PHF11: variants seen among roughly 807,000 people sequenced by gnomAD.
PHF11 encodes the protein BRCA1 C-terminus-associated protein.
Under a neutral mutation model 40.5 loss-of-function variants are expected in PHF11, and 38 were observed. That is an observed-to-expected ratio of 0.94 (90% confidence interval 0.72 to 1.23). The LOEUF (loss-of-function observed/expected upper bound fraction) is 1.23. PHF11 is among the 50% of genes most tolerant of loss of function. The pLI is 0.00. For synonymous variants in PHF11, 127 were observed against 138.2 expected, an observed-to-expected ratio of 0.92 and a Z score of 0.57; for missense variants, 369 against 392.4, an observed-to-expected ratio of 0.94 and a Z score of 0.50.
chr13:49,528,448 G>C, intron 9 of PHF11, 63 bp from the exon 10 acceptor site: 1 of 1,164,050 alleles, frequency 8.6e-7, no homozygotes, highest in Non-Finnish European at 1.2e-6. Flanking sequence ...GGCTAGAAAT[G>C]GTACATTATT....
chr13:49,496,830 C>CTTTTTT (rs34505707), intron 1 of PHF11, among the ~76,000 whole-genome samples: 3,824 of 87,914 alleles, frequency 0.043, 178 homozygotes, highest in Non-Finnish European at 0.052. Flanking sequence ...TGGGCTTACC[C>CTTTTTT]TTTTTTTTTT....
intron 3 of PHF11, among the ~76,000 whole-genome samples, chr13:49,515,500 ACAC>A (rs1364310714): frequency 8.8e-6 from 1 of 113,472 alleles, no homozygotes; most frequent in Non-Finnish European, 1.8e-5. Context: ...ACACACACAC[ACAC>A]ATTCTCCATC....
intron 3 of PHF11, among the ~76,000 whole-genome samples, chr13:49,517,735 A>T (rs1959168267): frequency 6.6e-6 from 1 of 152,210 alleles, no homozygotes; most frequent in Admixed American, 6.5e-5. Context: ...TAAAAGACAG[A>T]GACTGTTTTT....
chr13:49,503,244 C>T (rs1958934400), intron 1 of PHF11, among the ~76,000 whole-genome samples: 1 of 152,154 alleles, frequency 6.6e-6, no homozygotes, highest in South Asian at 2.1e-4. Flanking sequence ...CCAACCCACC[C>T]CACCTTTCCC....
At position 49,518,114 on chromosome 13, in the gene PHF11, G is replaced by T. The variant is rs765683187; in HGVS notation, c.421G>T (p.Ala141Ser). 6.2e-7 allele frequency: 1 copy of T among 1,607,844 alleles called. No homozygotes were observed. Among genetic ancestry groups the T allele is most frequent in the Non-Finnish European group, 8.5e-7 (1 of 1,175,284 alleles). The change falls in exon 4 of 10, where the codon GCA (alanine) becomes TCA (serine). Residue 141 changes from alanine (A) to serine (S), a missense_variant. Physicochemically the swap from Ala to Ser is moderately conservative, Grantham distance 99. Transcript: ENST00000378319. ...CTTTTTCTGTGCCAAGAAGGACGAC[G>T]CAGTTCCACAGTCTGATGGAGTTCG... Reference protein sequence around the residue: ...YHFFCAKKDDAVPQSDGVRGI... With the variant: ...YHFFCAKKDDSVPQSDGVRGI...
At chr13:49,498,316 G>C (rs1337504653) in intron 1 of PHF11, among the ~76,000 whole-genome samples, 6 of 152,224 alleles carry the variant, frequency 3.9e-5, no homozygotes, top group Admixed American at 3.3e-4. Flanking sequence ...ATTTCAGGTA[G>C]ATCATTCTGA....
At position 49,524,206 on chromosome 13, in the gene PHF11, T is replaced by C; in HGVS notation, c.759T>C (p.Thr253=). The C allele has an allele frequency of 8.1e-6, 13 of 1,608,530 alleles. No individual in the cohort carries two copies. Among genetic ancestry groups the C allele is most frequent in the Non-Finnish European group, 1.1e-5 (13 of 1,176,454 alleles). The change falls in exon 8 of 10, where the codon ACT becomes ACC. Residue 253 remains threonine, a synonymous_variant. Transcript: ENST00000378319. ...CAGAAAAACTCATGGATGAGACTAC[T>C]TCAGAATCAGGTACTGATGAAGAGC... The part of the protein sequence containing the change: ...SIPEKLMDET[T]SESDYEEIGS...
At position 49,496,043 on chromosome 13, in the gene PHF11, C is replaced by T. The variant is rs1399831534; in HGVS notation, c.42C>T (p.Gly14=). Reference sequence around the variant, plus strand: ...CGCCCCGGCCCGAGAGGGTGCTCGGCGCCAGCAGCCCGGAGGCCCGGCCCG... The same window carrying T: ...CGCCCCGGCCCGAGAGGGTGCTCGGTGCCAGCAGCCCGGAGGCCCGGCCCG... The part of the protein sequence containing the change: ...ASPPRPERVL[G]ASSPEARPAQ... The change falls in exon 1 of 10, where the codon GGC becomes GGT. Residue 14 remains glycine (G), a synonymous_variant. Transcript: ENST00000378319. 1 of 1,470,120 alleles carries T rather than the reference C, an allele frequency of 6.8e-7. No individual in the cohort carries two copies. The highest frequency in any genetic ancestry group is 2.4e-5 in the Admixed American group (1 of 41,320). The allele number at this position is 1,470,120 out of a possible 1,614,324, so 91.1% of individuals were successfully genotyped here. A position where few individuals can be genotyped will look rare whatever the true frequency, so the allele number is the denominator to read the frequency against.
chr13:49,524,065 A>T lies in PHF11; in HGVS notation c.638-20A>T. The T allele has an allele frequency of 6.3e-7, 1 of 1,595,876 alleles. No homozygotes were observed. The highest frequency in any genetic ancestry group is 8.5e-7 in the Non-Finnish European group (1 of 1,170,948). ...CTGCCCTAAGACTATTTCCTTCTCA[A>T]ATGTTTGTCTTATTCTTAGATGCAA... On this transcript the variant is annotated intron_variant, in intron 7 of 9. Coordinates refer to ENST00000378319, the MANE Select transcript of PHF11 (RefSeq NM_001040443.3).
At chr13:49,497,547 C>T (rs1203999654) in intron 1 of PHF11, among the ~76,000 whole-genome samples, 1 of 152,216 alleles carries the variant, frequency 6.6e-6, no homozygotes, top group Non-Finnish European at 1.5e-5. Context: ...ATTACTGCCA[C>T]CCAAGCCTAC....
At chr13:49,522,009 T>C in intron 5 of PHF11, 34 bp from the exon 6 acceptor site, 1 of 1,036,052 alleles carries the variant, frequency 9.7e-7, no homozygotes, top group Non-Finnish European at 1.5e-6. Flanking sequence ...TTTTCCTTTA[T>C]GGATTCCAAT....
chr13:49,510,657 A>G (rs1007680087), intron 2 of PHF11, among the ~76,000 whole-genome samples: 1 of 151,970 alleles, frequency 6.6e-6, no homozygotes. Flanking sequence ...TTTTGTAGAA[A>G]TGGGGGTCCC....
At chr13:49,523,501 G>A in intron 7 of PHF11, 1 of 471,342 alleles carries the variant, frequency 2.1e-6, no homozygotes. Context: ...AGGCTTGCCT[G>A]AGCTCAGAAT....
intron 3 of PHF11, among the ~76,000 whole-genome samples, chr13:49,514,330 T>C (rs1478868060): frequency 6.6e-6 from 1 of 152,186 alleles, no homozygotes; most frequent in East Asian, 1.9e-4. Context: ...GGTAAAATGA[T>C]GCCCATTTTA....
intron 2 of PHF11, among the ~76,000 whole-genome samples, chr13:49,512,117 T>G (rs7998996): frequency 0.084 from 12,789 of 152,262 alleles, 979 homozygotes; most frequent in African/African-American, 0.2. Context: ...CACTATGGCT[T>G]TAATATGCCT....
intron 1 of PHF11, among the ~76,000 whole-genome samples, chr13:49,499,521 T>A (rs1459887519): frequency 6.6e-6 from 1 of 152,198 alleles, no homozygotes; most frequent in Non-Finnish European, 1.5e-5. Context: ...CAAAACCAAA[T>A]TCAGTCACAC....
chr13:49,528,870 T>G lies in PHF11; in HGVS notation c.*205T>G, dbSNP rs1244827094. 1 of 474,776 alleles carries G rather than the reference T, an allele frequency of 2.1e-6. No homozygotes were observed. The highest frequency in any genetic ancestry group is 2.0e-5 in the African/African-American group (1 of 51,182). The allele number at this position is 474,776 out of a possible 1,614,324, so 29.4% of individuals were successfully genotyped here. On this transcript the variant is annotated 3_prime_UTR_variant, in exon 10 of 10. Coordinates refer to ENST00000378319, the MANE Select transcript of PHF11 (RefSeq NM_001040443.3). ...TCACTGTCACATTCCCAGCACCTAG[T>G]ATGCTCAGTAAATGTTTGTGGAATA...
intron 1 of PHF11, among the ~76,000 whole-genome samples, chr13:49,505,135 T>A (rs1448178535): frequency 5.8e-4 from 76 of 131,424 alleles, no homozygotes; most frequent in Non-Finnish European, 9.5e-4. Flanking sequence ...AAAAAATAAA[T>A]AAATAAAAAT....
intron 1 of PHF11, chr13:49,496,363 C>A: frequency 8.7e-7 from 1 of 1,147,212 alleles, no homozygotes; most frequent in Non-Finnish European, 1.1e-6. Flanking sequence ...GTGGTGGGCA[C>A]GCTTCGGTTT....
Sources: allele counts gnomAD v4.1 joint callset (sites outside exome capture counted in the v4.1 genomes callset), GRCh38; gene constraint gnomAD v4.1.1; transcripts MANE v1.5; gene names NCBI Gene and HGNC (gene_info 2026-07-23, HGNC 2026-07-21).